Variants in SLC6A6 observed in about 807,000 individuals in gnomAD.
SLC6A6 encodes sodium- and chloride-dependent taurine transporter.
In SLC6A6, 16 loss-of-function variants were observed where a neutral mutation model predicts 68.8. That is an observed-to-expected ratio of 0.23 (90% CI 0.16 to 0.35). The LOEUF (loss-of-function observed/expected upper bound fraction) is 0.35. Among genes scored for constraint, SLC6A6 ranks in the 10% least tolerant of loss-of-function variants. The probability of loss-of-function intolerance (pLI) is 1.00; values close to 1 mark genes in which losing one functional copy is unlikely to be tolerated. For synonymous variants in SLC6A6, 312 were observed against 315.4 expected, an observed-to-expected ratio of 0.99 and a Z score of 0.12; for missense variants, 474 against 802.8, an observed-to-expected ratio of 0.59 and a Z score of 4.95.
At position 14,487,090 on chromosome 3, in the gene SLC6A6, G is replaced by A. The variant is rs1177027094; in HGVS notation, c.*2083G>A. 1 of 152,648 alleles carries A rather than the reference G, an allele frequency of 6.6e-6. No homozygotes were observed. The highest frequency in any genetic ancestry group is 1.5e-5 in the Non-Finnish European group (1 of 68,048). The allele number at this position is 152,648 out of a possible 1,614,324, so 9.5% of individuals were successfully genotyped here. ...GGGCAGGTGGCACGTGGGGAAGAGGGGACTTGGCACGCAGTGGCTACCTGG... is the reference window on the plus strand; with the variant it reads ...GGGCAGGTGGCACGTGGGGAAGAGGAGACTTGGCACGCAGTGGCTACCTGG... On this transcript the variant is annotated 3_prime_UTR_variant, in exon 15 of 15. Transcript: ENST00000622186.
rs1318976460 is a variant in SLC6A6, at chr3:14,443,785, G to T, written c.151G>T (p.Val51Leu). 1 of 1,614,070 alleles carries T rather than the reference G, an allele frequency of 6.2e-7. No individual in the cohort carries two copies. The highest frequency in any genetic ancestry group is 8.5e-7 in the Non-Finnish European group (1 of 1,180,018). Residue 51 changes from valine to leucine, a missense_variant, in exon 3 of 15, where the codon GTG (valine) becomes TTG (leucine). Val to Leu is a conservative substitution (Grantham distance 32). This residue lies in a region of SLC6A6 where 280 missense variants were observed against 533.1 expected (regional missense o/e 0.53). Coordinates refer to ENST00000622186, the MANE Select transcript of SLC6A6 (RefSeq NM_003043.6). ...GAAGTGGTCTAGCAAGATCGACTTT[G>T]TGCTCTCTGTGGCTGGCGGCTTCGT... ...REKWSSKIDFVLSVAGGFVGL... is the reference protein window; with the variant it reads ...REKWSSKIDFLLSVAGGFVGL...
chr3:14,435,482 A>G (rs538653018), intron 2 of SLC6A6, among the ~76,000 whole-genome samples: 79 of 152,290 alleles, frequency 5.2e-4, no homozygotes, highest in African/African-American at 1.9e-3. Flanking sequence ...GCATGCTGAA[A>G]CGATTTCCTC....
chr3:14,479,419 C>A (rs1700957893), intron 13 of SLC6A6, among the ~76,000 whole-genome samples: 1 of 152,200 alleles, frequency 6.6e-6, no homozygotes, highest in African/African-American at 2.4e-5. Context: ...GCATTTCTGG[C>A]AGAGGAGCCA....
intron 14 of SLC6A6, among the ~76,000 whole-genome samples, chr3:14,483,138 A>G (rs1701046946): frequency 2.0e-5 from 3 of 152,194 alleles, no homozygotes; most frequent in Non-Finnish European, 4.4e-5. Flanking sequence ...GCCTCATTTT[A>G]AAATATTGGT....
chr3:14,457,431 C>A (rs1443110842), intron 5 of SLC6A6, among the ~76,000 whole-genome samples: 1 of 152,198 alleles, frequency 6.6e-6, no homozygotes, highest in Non-Finnish European at 1.5e-5. Flanking sequence ...GTGTGACTTA[C>A]ATTTTAGTGA....
chr3:14,468,314 C>G lies in SLC6A6; in HGVS notation c.1096+102C>G. On this transcript the variant is annotated intron_variant, in intron 9 of 14. Coordinates refer to ENST00000622186, the MANE Select transcript of SLC6A6 (RefSeq NM_003043.6). The surrounding 1 kb of genome is among the most constrained non-coding windows in gnomAD (Gnocchi z 4.5). ...GACCCCAGGGGGCTTTGAGGGGGGA[C>G]GAGCCTGGTTTCTAAAATGGACCCC... The G allele has an allele frequency of 9.9e-7, 1 of 1,013,058 alleles. No homozygotes were observed. Among genetic ancestry groups the G allele is most frequent in the Non-Finnish European group, 1.4e-6 (1 of 729,180 alleles). 62.8% of individuals were successfully genotyped at this position (1,013,058 alleles called of 1,614,324 possible).
chr3:14,479,140 C>A lies in SLC6A6; in HGVS notation c.1506C>A (p.Pro502=). Residue 502 remains proline, a synonymous_variant, in exon 13 of 15, where the codon CCC becomes CCA. Transcript: ENST00000622186. ...IEDMIGYRPG[P]WMKYSWAVIT... Reference sequence around the variant, plus strand: ...ACATGATTGGCTATCGGCCCGGGCCCTGGATGAAGTACAGCTGGGCTGTGA... The same window carrying A: ...ACATGATTGGCTATCGGCCCGGGCCATGGATGAAGTACAGCTGGGCTGTGA... 6.2e-7 allele frequency: 1 copy of A among 1,613,654 alleles called. No individual in the cohort carries two copies. Among genetic ancestry groups the A allele is most frequent in the Non-Finnish European group, 8.5e-7 (1 of 1,179,562 alleles).
intron 5 of SLC6A6, 65 bp from the exon 6 acceptor site, chr3:14,457,885 G>T: frequency 6.4e-7 from 1 of 1,564,986 alleles, no homozygotes; most frequent in Non-Finnish European, 8.8e-7. Context: ...TAATGTCCGA[G>T]CCTTGGCTCT....
In SLC6A6 at chr3:14,485,211, A is replaced by T; in HGVS notation, c.*204A>T. On this transcript the variant is annotated 3_prime_UTR_variant, in exon 15 of 15. Transcript: ENST00000622186. ...TGTGTGTTTTGTTTTGATTTGGGGG[A>T]TATTTTGTACAAAAAGAAAACCCAC... 2.5e-6 allele frequency: 1 copy of T among 406,748 alleles called. No individual in the cohort carries two copies. Among genetic ancestry groups the T allele is most frequent in the Non-Finnish European group, 4.3e-6 (1 of 232,124 alleles). 25.2% of individuals were successfully genotyped at this position (406,748 alleles called of 1,614,324 possible).
chr3:14,467,411 T>C (rs1700645706), intron 7 of SLC6A6, among the ~76,000 whole-genome samples: 1 of 152,164 alleles, frequency 6.6e-6, no homozygotes, highest in South Asian at 2.1e-4. Flanking sequence ...GTAACAACAA[T>C]GGTGGTGACA....
intron 2 of SLC6A6, among the ~76,000 whole-genome samples, chr3:14,427,164 G>A (rs969887716): frequency 3.9e-5 from 6 of 152,126 alleles, no homozygotes; most frequent in African/African-American, 1.4e-4. Context: ...GAAGACCTAA[G>A]AGCCAACCAC....
chr3:14,477,387 C>T lies in SLC6A6; in HGVS notation c.1347+45C>T. 1 of 1,601,240 alleles carries T rather than the reference C, an allele frequency of 6.2e-7. No homozygotes were observed. Among genetic ancestry groups the T allele is most frequent in the South Asian group, 1.1e-5 (1 of 89,904 alleles). Reference sequence around the variant, plus strand: ...GTGTTTCAGGCTTGGTGCTCCAGTGCCCTCCTCAAGGCCATAGTGGAGGCA... The same window carrying T: ...GTGTTTCAGGCTTGGTGCTCCAGTGTCCTCCTCAAGGCCATAGTGGAGGCA... On this transcript the variant is annotated intron_variant, in intron 11 of 14. Coordinates refer to ENST00000622186, the MANE Select transcript of SLC6A6 (RefSeq NM_003043.6). This position sits in a 1 kb window ranked among gnomAD's most constrained non-coding sequence, Gnocchi z 4.2.
rs1379782767 is a variant in SLC6A6 at position 14,481,492 on chromosome 3, C to T, written c.1552-179C>T. Reference sequence around the variant, plus strand: ...GGGTTTTGAGCAGGGAAACGACTTACTGTGTTTTTACCGGGGCGGGGGGGA... The same window carrying T: ...GGGTTTTGAGCAGGGAAACGACTTATTGTGTTTTTACCGGGGCGGGGGGGA... On this transcript the variant is annotated intron_variant, in intron 13 of 14. Coordinates refer to ENST00000622186, the MANE Select transcript of SLC6A6 (RefSeq NM_003043.6). The surrounding 1 kb of genome is among the most constrained non-coding windows in gnomAD (Gnocchi z 4.7). 6.6e-6 allele frequency among the ~76,000 whole-genome samples: 1 copy of T among 151,894 alleles called. No homozygotes were observed. The highest frequency in any genetic ancestry group is 2.4e-5 in the African/African-American group (1 of 41,312).
At chr3:14,426,503 G>C (rs879329048) in intron 2 of SLC6A6, among the ~76,000 whole-genome samples, 1 of 152,214 alleles carries the variant, frequency 6.6e-6, no homozygotes, top group Non-Finnish European at 1.5e-5. Flanking sequence ...AGCCCCATTA[G>C]ACTCTAAGAT....
Position 14,466,670 on chromosome 3 carries a change from C to A in SLC6A6, c.867+20C>A, listed in dbSNP as rs779873681. The stretch of plus-strand genomic sequence containing the variant: ...CCACAGGTACTGTGGGGCTGGGACA[C>A]ACCATCCTCCCTCCCATCCAGGGCT... On this transcript the variant is annotated intron_variant, in intron 7 of 14. Transcript: ENST00000622186. The A allele has an allele frequency of 6.3e-7, 1 of 1,591,214 alleles. No individual in the cohort carries two copies. Among genetic ancestry groups the A allele is most frequent in the East Asian group, 2.3e-5 (1 of 44,356 alleles).
chr3:14,409,451 A>G (rs553701500), intron 1 of SLC6A6, among the ~76,000 whole-genome samples: 1 of 152,372 alleles, frequency 6.6e-6, no homozygotes, highest in East Asian at 1.9e-4. Context: ...TGAGTTCATC[A>G]GAAAAATGGG....
At position 14,489,258 on chromosome 3, in the gene SLC6A6, A is replaced by T. The variant is rs916662510; in HGVS notation, c.*4251A>T. The T allele has an allele frequency of 1.3e-5, 2 of 152,498 alleles. No homozygotes were observed. The highest frequency in any genetic ancestry group is 2.9e-5 in the Non-Finnish European group (2 of 68,022). The allele number at this position is 152,498 out of a possible 1,614,324, so 9.4% of individuals were successfully genotyped here. On this transcript the variant is annotated 3_prime_UTR_variant, in exon 15 of 15. Transcript: ENST00000622186. ...TCTTTTGCTTTTTAGATAAATATGT[A>T]TATCAATATTTTAAATTCATCTTTG... is the stretch of plus-strand genomic sequence containing the variant.
rs575918666 is a variant in SLC6A6, at chr3:14,406,605, A to G, written c.-54+3758A>G. Among the ~76,000 whole-genome samples the G allele has an allele frequency of 4.6e-5, 7 of 152,302 alleles. No individual in the cohort carries two copies. In the South Asian group the frequency reaches 1.5e-3, roughly 32 times the overall value. On this transcript the variant is annotated intron_variant, in intron 1 of 14. Transcript: ENST00000622186. ...AACTTGCTGGCTTTGACCTCCCTGG[A>G]GCACACAGCCCTAGTGTCTCTAGGT...
intron 2 of SLC6A6, among the ~76,000 whole-genome samples, chr3:14,419,697 A>C (rs1389138164): frequency 6.6e-6 from 1 of 152,140 alleles, no homozygotes; most frequent in Non-Finnish European, 1.5e-5. Flanking sequence ...TGACCTCATC[A>C]CTTTGTAAGC....
Sources: allele counts gnomAD v4.1 joint callset (sites outside exome capture counted in the v4.1 genomes callset), GRCh38; gene constraint gnomAD v4.1.1; regional missense constraint gnomAD v4.1.1; non-coding constraint Gnocchi (gnomAD v3.1); transcripts MANE v1.5; gene names NCBI Gene and HGNC (gene_info 2026-07-23, HGNC 2026-07-21).